Variants in RRH observed in about 807,000 individuals in gnomAD.
RRH encodes retinal pigment epithelium-derived rhodopsin homolog, also known as visual pigment-like receptor peropsin.
In RRH, 36 loss-of-function variants were observed where a neutral mutation model predicts 33.1. The observed-to-expected ratio is 1.09, with a 90% CI of 0.83 to 1.44. RRH has a LOEUF of 1.44. RRH is among the 40% of genes most tolerant of loss of function. RRH has a pLI of 0.00. For missense variants in RRH, 393 were observed against 420.2 expected (o/e 0.94, Z 0.57); for synonymous variants, 124 against 140.2 (o/e 0.88, Z 0.82).
At chr4:109,831,669 A>G (rs116463209) in intron 1 of RRH, among the ~76,000 whole-genome samples, 3,088 of 152,256 alleles carry the variant, frequency 0.02, 50 homozygotes, top group Non-Finnish European at 0.027. Context: ...TGAGTCAAGC[A>G]TGGTGTATCT....
chr4:109,828,278 A>T (rs1733678478), intron 1 of RRH, 145 bp downstream of exon 1: 2 of 632,166 alleles, frequency 3.2e-6, no homozygotes, highest in African/African-American at 3.6e-5. Context: ...GCTCGTTGGT[A>T]AATGAGGATG....
chr4:109,837,644 G>A lies in RRH; in HGVS notation c.720+39G>A. ...ATCCTTGAAAAATTGTTGTCATGGA[G>A]CTTTTACCCACTCATAGTTGAAAGA... is the stretch of plus-strand genomic sequence containing the variant. On this transcript the variant is annotated intron_variant, in intron 5 of 6. Transcript: ENST00000317735. The A allele has an allele frequency of 1.9e-6, 3 of 1,543,790 alleles. No homozygotes were observed. The South Asian group carries it at 3.4e-5, about 18-fold the overall frequency.
chr4:109,842,464 T>C lies in RRH; in HGVS notation c.721-5T>C, dbSNP rs201217417. 1,228 of 1,613,830 alleles carry C rather than the reference T, an allele frequency of 7.6e-4. 2 individuals are homozygous for C. The highest frequency in any genetic ancestry group is 8.7e-4 in the South Asian group (79 of 91,080). On this transcript the variant is annotated splice_polypyrimidine_tract_variant and splice_region_variant and intron_variant, in intron 5 of 6. Coordinates refer to ENST00000317735, the MANE Select transcript of RRH (RefSeq NM_006583.5). ...TGGGCTTGGTGAATATTTATTTCTTTTCAGATGTCTGTGATCATGATCTGC... is the reference window on the plus strand; with the variant it reads ...TGGGCTTGGTGAATATTTATTTCTTCTCAGATGTCTGTGATCATGATCTGC...
intron 1 of RRH, among the ~76,000 whole-genome samples, chr4:109,828,932 TAAAGG>T (rs1733691863): frequency 6.6e-6 from 1 of 152,122 alleles, no homozygotes; most frequent in Non-Finnish European, 1.5e-5. Context: ...CTCATTGATG[TAAAGG>T]ATTGTTTGCA....
intron 4 of RRH, among the ~76,000 whole-genome samples, chr4:109,837,151 A>G (rs1322209793): frequency 6.6e-6 from 1 of 152,072 alleles, no homozygotes; most frequent in Admixed American, 6.5e-5. Flanking sequence ...CAGCTCTTCA[A>G]CTCTGTCATC....
At chr4:109,833,081 T>C (rs1733792054) in intron 1 of RRH, 58 bp from the exon 2 acceptor site, 1 of 1,371,244 alleles carries the variant, frequency 7.3e-7, no homozygotes, top group African/African-American at 1.4e-5. Flanking sequence ...TAATTTTGAG[T>C]CTACTTTGAA....
At position 109,844,115 on chromosome 4, in the gene RRH, G is replaced by C; in HGVS notation, c.932G>C (p.Cys311Ser). 6.2e-7 allele frequency: 1 copy of C among 1,613,840 alleles called. No individual in the cohort carries two copies. The highest frequency in any genetic ancestry group is 8.5e-7 in the Non-Finnish European group (1 of 1,179,776). ...AGGGCAATGCTTGCCATGTTCAAAT[G>C]TCAGACTCACCAAACAATGCCTGTG... is the stretch of plus-strand genomic sequence containing the variant. The part of the protein sequence containing the change: ...FRRAMLAMFK[C>S]QTHQTMPVTS... The change falls in exon 7 of 7, where the codon TGT (cysteine) becomes TCT (serine). Residue 311 changes from cysteine (C) to serine (S), a missense_variant. Coordinates refer to ENST00000317735, the MANE Select transcript of RRH (RefSeq NM_006583.5).
chr4:109,833,118 T>A, intron 1 of RRH, 21 bp from the exon 2 acceptor site: 1 of 1,589,760 alleles, frequency 6.3e-7, no homozygotes, highest in Non-Finnish European at 8.6e-7. Context: ...AAATGCATCA[T>A]ATTTTTGTGT....
chr4:109,842,116 A>G (rs1733996073), intron 5 of RRH, among the ~76,000 whole-genome samples: 1 of 152,174 alleles, frequency 6.6e-6, no homozygotes, highest in South Asian at 2.1e-4. Flanking sequence ...TAGCATAATG[A>G]TGTGAAGTGG....
At chr4:109,829,760 C>G (rs981446944) in intron 1 of RRH, among the ~76,000 whole-genome samples, 4 of 152,176 alleles carry the variant, frequency 2.6e-5, no homozygotes, top group Admixed American at 1.3e-4. Context: ...CATTTTGGTT[C>G]TAGAGCCCTC....
Position 109,828,119 on chromosome 4 carries a change from AC to A in RRH, c.93del (p.Leu32Ter), listed in dbSNP as rs1488806881. 6.2e-7 allele frequency: 1 copy of A among 1,607,782 alleles called. No homozygotes were observed. Among genetic ancestry groups the A allele is most frequent in the African/African-American group, 1.3e-5 (1 of 74,766 alleles). On this transcript the variant is annotated frameshift_variant, in exon 1 of 7. Coordinates refer to ENST00000317735, the MANE Select transcript of RRH (RefSeq NM_006583.5). LOFTEE classifies it high-confidence loss of function. ...SQTEHNIVATYLIMAGMISII... is the reference protein window; with the variant it reads ...SQTEHNIVATXLIMAGMISII... ...ACTGAACACAATATTGTTGCAACTT[AC>A]TTGATTATGGCAGGTATGGATATTT... is the stretch of plus-strand genomic sequence containing the variant.
intron 1 of RRH, among the ~76,000 whole-genome samples, chr4:109,831,462 A>G (rs1733749091): frequency 6.6e-6 from 1 of 152,192 alleles, no homozygotes; most frequent in Non-Finnish European, 1.5e-5. Context: ...TCCACATGAA[A>G]AGACAAGGAA....
At chr4:109,833,416 A>G in intron 2 of RRH, 87 bp downstream of exon 2, 1 of 1,048,536 alleles carries the variant, frequency 9.5e-7, no homozygotes, top group Non-Finnish European at 1.4e-6. Flanking sequence ...AAGAGTTTAA[A>G]TTGAATATTG....
At chr4:109,830,420 G>A (rs964864719) in intron 1 of RRH, among the ~76,000 whole-genome samples, 1 of 152,152 alleles carries the variant, frequency 6.6e-6, no homozygotes. Context: ...TCTGAGGAGG[G>A]AGTAATCGCA....
intron 5 of RRH, 111 bp downstream of exon 5, chr4:109,837,716 C>T (rs1289557424): frequency 1.2e-5 from 9 of 773,798 alleles, no homozygotes; most frequent in Non-Finnish European, 1.8e-5. Context: ...CCAATTCTCA[C>T]TCCCCAGCTC....
chr4:109,832,488 T>C (rs917178822), intron 1 of RRH, among the ~76,000 whole-genome samples: 3 of 90,560 alleles, frequency 3.3e-5, no homozygotes, highest in Non-Finnish European at 6.6e-5. Flanking sequence ...CATTCTTCTA[T>C]TGGGGTAGTG....
In RRH at chr4:109,828,147, A is replaced by G; in HGVS notation, c.106+14A>G. 6.4e-7 allele frequency: 1 copy of G among 1,553,760 alleles called. No individual in the cohort carries two copies. The highest frequency in any genetic ancestry group is 8.9e-7 in the Non-Finnish European group (1 of 1,125,876). Reference sequence around the variant, plus strand: ...TGATTATGGCAGGTATGGATATTTAAGTAAGTTATTTTTCTTTAGAATGGG... The same window carrying G: ...TGATTATGGCAGGTATGGATATTTAGGTAAGTTATTTTTCTTTAGAATGGG... On this transcript the variant is annotated intron_variant, in intron 1 of 6. Coordinates refer to ENST00000317735, the MANE Select transcript of RRH (RefSeq NM_006583.5).
intron 2 of RRH, among the ~76,000 whole-genome samples, chr4:109,833,817 T>G (rs2125892716): frequency 6.9e-6 from 1 of 144,584 alleles, no homozygotes. Flanking sequence ...CTTAAGACAG[T>G]AAGCAAATAT....
At position 109,829,417 on chromosome 4, in the gene RRH, C is replaced by CAA. The variant is rs34337445; in HGVS notation, c.106+1297_106+1298dup. ...GTTTAGTTAGTTATTTGTAGATGAC[C>CAA]AAAAAAAAAAAAAATCCAAAAAACA... On this transcript the variant is annotated intron_variant, in intron 1 of 6. Coordinates refer to ENST00000317735, the MANE Select transcript of RRH (RefSeq NM_006583.5). 1.5e-3 allele frequency among the ~76,000 whole-genome samples: 206 copies of CAA among 140,964 alleles called. 2 individuals carry two copies. Among genetic ancestry groups the CAA allele is most frequent in the African/African-American group, 4.6e-3 (172 of 37,608 alleles). 92.5% of individuals were successfully genotyped at this position (140,964 alleles called of 152,430 possible).
Sources: allele counts gnomAD v4.1 joint callset (sites outside exome capture counted in the v4.1 genomes callset), GRCh38; gene constraint gnomAD v4.1.1; transcripts MANE v1.5; gene names NCBI Gene and HGNC (gene_info 2026-07-23, HGNC 2026-07-21).